Variants in DGLUCY observed in about 807,000 individuals in gnomAD.
DGLUCY encodes D-glutamate cyclase, mitochondrial.
DGLUCY carries 58 observed loss-of-function variants against 58.5 expected under a neutral mutation model. The ratio of observed to expected loss-of-function variants is 0.99; its 90% CI spans 0.80 to 1.23. The LOEUF is 1.23. Among genes scored for constraint, DGLUCY ranks in the 50% most tolerant of loss-of-function variants. The pLI is 0.00. For synonymous variants in DGLUCY, 325 were observed against 314.1 expected (o/e 1.03, Z -0.37); for missense variants, 779 against 784.7 (o/e 0.99, Z 0.09).
intron 1 of DGLUCY, among the ~76,000 whole-genome samples, chr14:91,077,567 C>CCAGG (rs2044045753): frequency 6.6e-6 from 1 of 151,842 alleles, no homozygotes; most frequent in Non-Finnish European, 1.5e-5. Flanking sequence ...TCCTGGCCAA[C>CCAGG]ATGGTGAAAC....
intron 1 of DGLUCY, among the ~76,000 whole-genome samples, chr14:91,086,257 G>T (rs2044217705): frequency 6.6e-6 from 1 of 152,044 alleles, no homozygotes; most frequent in Admixed American, 6.6e-5. Flanking sequence ...ATTACAATGT[G>T]ATAATAATAG....
chr14:91,115,463 G>A (rs1194432969), intron 1 of DGLUCY, among the ~76,000 whole-genome samples: 3 of 151,946 alleles, frequency 2.0e-5, no homozygotes, highest in African/African-American at 4.8e-5. Flanking sequence ...TTGCTGTGTC[G>A]CCCAGGCTGG....
intron 9 of DGLUCY, among the ~76,000 whole-genome samples, chr14:91,193,006 C>T (rs56163020): frequency 2.4e-3 from 365 of 152,100 alleles, no homozygotes; most frequent in African/African-American, 8.1e-3. Flanking sequence ...AGGCTGTTGG[C>T]GTGTTGGTGG....
At position 91,196,465 on chromosome 14, in the gene DGLUCY, A is replaced by C; in HGVS notation, c.1286A>C (p.Gln429Pro). ...TTCCTGTGCAAAAATGGGGACCCGC[A>C]GACACCTAGGTACGTATGTCGCATC... is the stretch of plus-strand genomic sequence containing the variant. ...QAFLCKNGDP[Q>P]TPRFDHLVAI... The change falls in exon 10 of 14, where the codon CAG (glutamine) becomes CCG (proline). Residue 429 changes from glutamine (Q) to proline (P), a missense_variant. Gln to Pro is a moderately conservative substitution (Grantham distance 76). Coordinates refer to ENST00000256324, the MANE Select transcript of DGLUCY (RefSeq NM_001102368.3). 6.2e-7 allele frequency: 1 copy of C among 1,613,936 alleles called. No homozygotes were observed. The highest frequency in any genetic ancestry group is 8.5e-7 in the Non-Finnish European group (1 of 1,179,858).
upstream of DGLUCY, among the ~76,000 whole-genome samples, chr14:91,113,396 G>C (rs28599527): frequency 0.014 from 2,066 of 152,312 alleles, 57 homozygotes; most frequent in African/African-American, 0.047. Context: ...GGGTCCAAAG[G>C]TAAGTCCTGA....
chr14:91,090,507 A>G (rs1444521038), intron 1 of DGLUCY, among the ~76,000 whole-genome samples: 1 of 152,120 alleles, frequency 6.6e-6, no homozygotes. Flanking sequence ...AACAACAGGG[A>G]GTTCCTGAGG....
chr14:91,200,584 A>AT (rs879745115), intron 11 of DGLUCY, among the ~76,000 whole-genome samples: 18 of 150,120 alleles, frequency 1.2e-4, no homozygotes, highest in East Asian at 1.9e-4. Context: ...TAATATTTCA[A>AT]TTTTTTTTTT....
chr14:91,193,129 A>C (rs1315490496), intron 9 of DGLUCY, among the ~76,000 whole-genome samples: 7 of 152,152 alleles, frequency 4.6e-5, no homozygotes, highest in Non-Finnish European at 8.8e-5. Flanking sequence ...GGAGAAGGGC[A>C]GAACAGCCAG....
chr14:91,113,015 AAAAAG>A (rs1395976630), upstream of DGLUCY, among the ~76,000 whole-genome samples: 23 of 150,778 alleles, frequency 1.5e-4, no homozygotes, highest in African/African-American at 4.6e-4. Context: ...AAAAAAAAAA[AAAAAG>A]GCCAGGTGCG....
rs534089324 is a variant in DGLUCY at position 91,136,057 on chromosome 14, C to T, written c.-81-21582C>T. ...TCACGCCATTCTCCTGCCTCAGCCT[C>T]CCGAGTAGCTGGGACTACAGGGGCC... On this transcript the variant is annotated intron_variant, in intron 1 of 13. Coordinates refer to ENST00000256324, the MANE Select transcript of DGLUCY (RefSeq NM_001102368.3). 2.2e-3 allele frequency among the ~76,000 whole-genome samples: 339 copies of T among 151,138 alleles called. 3 individuals are homozygous for T. Among genetic ancestry groups the T allele is most frequent in the African/African-American group, 8.0e-3 (331 of 41,228 alleles).
chr14:91,196,260 G>A (rs74083997), intron 9 of DGLUCY, 115 bp from the exon 10 acceptor site: 18 of 744,016 alleles, frequency 2.4e-5, no homozygotes, highest in African/African-American at 7.0e-5. Context: ...TCTACAGATA[G>A]ATGTTGTTCA....
chr14:91,088,129 A>T (rs940890982), intron 1 of DGLUCY, among the ~76,000 whole-genome samples: 1 of 152,060 alleles, frequency 6.6e-6, no homozygotes, highest in Non-Finnish European at 1.5e-5. Context: ...AGAGGACCCC[A>T]TTGGAAATTG....
At chr14:91,196,336 C>A in intron 9 of DGLUCY, 39 bp from the exon 10 acceptor site, 1 of 1,572,572 alleles carries the variant, frequency 6.4e-7, no homozygotes, top group Non-Finnish European at 8.7e-7. Flanking sequence ...AAAGCCAACA[C>A]TAGAGCTGAT....
chr14:91,149,255 A>C lies in DGLUCY; in HGVS notation c.-81-8384A>C, dbSNP rs370228631. 5.9e-5 allele frequency among the ~76,000 whole-genome samples: 9 copies of C among 152,174 alleles called. No homozygotes were observed. The East Asian group carries it at 1.5e-3, about 26-fold the overall frequency. ...AGAGCGAAACTCTATCTCAAAAAAA[A>C]AAAAAAGAAAAGAAAAGAAAAGAAA... On this transcript the variant is annotated intron_variant, in intron 1 of 13. Transcript: ENST00000256324.
chr14:91,196,388 G>A lies in DGLUCY; in HGVS notation c.1209G>A (p.Thr403=), dbSNP rs139055044. The change falls in exon 10 of 14, where the codon ACG becomes ACA. Residue 403 remains threonine, a synonymous_variant. Coordinates refer to ENST00000256324, the MANE Select transcript of DGLUCY (RefSeq NM_001102368.3). ...TTTATTTTCAAGGTGTTCTGAAGAC[G>A]CAGATCCCGATATTAACTTACCAAG... is the stretch of plus-strand genomic sequence containing the variant. ...EDAVEQGVLK[T]QIPILTYQGG... is the part of the protein sequence containing the mutation. 11 of 1,613,876 alleles carry A rather than the reference G, an allele frequency of 6.8e-6. No individual in the cohort carries two copies. The highest frequency in any genetic ancestry group is 5.3e-5 in the African/African-American group (4 of 74,874).
At chr14:91,128,265 G>A (rs1398644389) in intron 1 of DGLUCY, among the ~76,000 whole-genome samples, 10 of 148,656 alleles carry the variant, frequency 6.7e-5, no homozygotes, top group Non-Finnish European at 3.0e-5. Flanking sequence ...TTGAGCCGAG[G>A]AGTTCAAGAC....
chr14:91,144,177 G>A (rs1046485160), intron 1 of DGLUCY, among the ~76,000 whole-genome samples: 3 of 152,190 alleles, frequency 2.0e-5, no homozygotes, highest in Admixed American at 6.5e-5. Flanking sequence ...CTGCTCAGCC[G>A]GGGTGGGAGG....
upstream of DGLUCY, among the ~76,000 whole-genome samples, chr14:91,112,318 C>T (rs1366267602): frequency 1.3e-5 from 2 of 152,068 alleles, no homozygotes; most frequent in Non-Finnish European, 2.9e-5. Context: ...TGAGCCTGGC[C>T]TCAATTTAAC....
At chr14:91,137,072 G>A (rs993584469) in intron 1 of DGLUCY, among the ~76,000 whole-genome samples, 1 of 151,930 alleles carries the variant, frequency 6.6e-6, no homozygotes, top group Non-Finnish European at 1.5e-5. Flanking sequence ...TTGGACAGAA[G>A]AGAGTGATCT....
Sources: allele counts gnomAD v4.1 joint callset (sites outside exome capture counted in the v4.1 genomes callset), GRCh38; gene constraint gnomAD v4.1.1; transcripts MANE v1.5; gene names NCBI Gene and HGNC (gene_info 2026-07-23, HGNC 2026-07-21).